Variants in BCAS1 observed in about 807,000 individuals in gnomAD.
BCAS1 encodes breast carcinoma-amplified sequence 1.
Under a neutral mutation model 65.4 loss-of-function variants are expected in BCAS1, and 46 were observed. That is an observed-to-expected ratio of 0.70 (90% CI 0.55 to 0.90). The LOEUF is 0.90. Ranked by LOEUF, BCAS1 falls within the 40% of genes least tolerant of loss-of-function variation. The pLI is 0.00. For missense variants in BCAS1, 793 were observed against 771.2 expected, an observed-to-expected ratio of 1.03 and a Z score of -0.33; for synonymous variants, 298 against 293.5, an observed-to-expected ratio of 1.02 and a Z score of -0.16.
intron 9 of BCAS1, among the ~76,000 whole-genome samples, chr20:53,968,121 G>A (rs1425146213): frequency 6.6e-6 from 1 of 152,198 alleles, no homozygotes; most frequent in Non-Finnish European, 1.5e-5. Flanking sequence ...GGCCTGCCAC[G>A]TAGCTGAGAC....
intron 8 of BCAS1, among the ~76,000 whole-genome samples, chr20:53,980,834 A>G (rs988930611): frequency 1.3e-5 from 2 of 152,230 alleles, no homozygotes; most frequent in Non-Finnish European, 2.9e-5. Flanking sequence ...TTCTCTATAT[A>G]ACAGGAAGCC....
chr20:53,946,174 C>G (rs1203716089), intron 12 of BCAS1, among the ~76,000 whole-genome samples: 1 of 151,600 alleles, frequency 6.6e-6, no homozygotes, highest in South Asian at 2.1e-4. Context: ...GAGGTTAGAC[C>G]AACACAAATA....
At chr20:54,029,824 G>C (rs1383689976) in intron 3 of BCAS1, among the ~76,000 whole-genome samples, 2 of 152,186 alleles carry the variant, frequency 1.3e-5, no homozygotes, top group African/African-American at 4.8e-5. Context: ...GTAAGCAGCA[G>C]AGTCTGGCTT....
At chr20:53,989,490 T>C (rs1394002790) in intron 7 of BCAS1, among the ~76,000 whole-genome samples, 1 of 152,164 alleles carries the variant, frequency 6.6e-6, no homozygotes, top group Non-Finnish European at 1.5e-5. Context: ...TGGCACAAAA[T>C]AGACAATCAG....
At chr20:54,050,240 A>C (rs1451129635) in intron 3 of BCAS1, among the ~76,000 whole-genome samples, 1 of 152,126 alleles carries the variant, frequency 6.6e-6, no homozygotes, top group East Asian at 1.9e-4. Flanking sequence ...CACTGGGTCC[A>C]CCTGGATAAT....
At chr20:54,058,613 T>A in intron 2 of BCAS1, 34 bp downstream of exon 2, 1 of 1,534,280 alleles carries the variant, frequency 6.5e-7, no homozygotes. Context: ...TTTTTTTTTT[T>A]CTGCTGATGC....
At chr20:54,034,467 C>T (rs2091860444) in intron 3 of BCAS1, among the ~76,000 whole-genome samples, 1 of 151,296 alleles carries the variant, frequency 6.6e-6, no homozygotes, top group Non-Finnish European at 1.5e-5. Context: ...GCAAAAATTA[C>T]TGGCATTTCC....
intron 8 of BCAS1, among the ~76,000 whole-genome samples, chr20:53,981,821 C>CGCGT (rs2090489553): frequency 6.7e-6 from 1 of 150,160 alleles, no homozygotes; most frequent in Non-Finnish European, 1.5e-5. Context: ...CATGTGCGTG[C>CGCGT]GTGTGTGTGT....
chr20:54,008,949 T>A (rs2091263994), intron 4 of BCAS1, among the ~76,000 whole-genome samples: 1 of 151,970 alleles, frequency 6.6e-6, no homozygotes, highest in Admixed American at 6.6e-5. Context: ...GAGCAACTGG[T>A]ATTACAGGTG....
Position 53,953,839 on chromosome 20 carries a change from AAAG to A in BCAS1, c.1552-147_1552-145del, listed in dbSNP as rs2089610430. On this transcript the variant is annotated intron_variant, in intron 11 of 12. Coordinates refer to ENST00000688948, the MANE Select transcript of BCAS1 (RefSeq NM_001366298.2). Reference sequence around the variant, plus strand: ...AATCCTAGGTGAAATGAATATAAAAAAAGGTAAAATGTGCACTTATGAAGTCAT... The same window carrying A: ...AATCCTAGGTGAAATGAATATAAAAAGTAAAATGTGCACTTATGAAGTCAT... The A allele has an allele frequency of 4.9e-6, 5 of 1,027,900 alleles. No homozygotes were observed. The East Asian group carries it at 1.3e-4, about 27-fold the overall frequency. 63.7% of individuals were successfully genotyped at this position (1,027,900 alleles called of 1,614,324 possible). A position where few individuals can be genotyped will look rare whatever the true frequency, so the allele number is the denominator to read the frequency against.
intron 4 of BCAS1, among the ~76,000 whole-genome samples, chr20:54,027,791 C>A (rs966414358): frequency 4.2e-5 from 6 of 142,758 alleles, no homozygotes; most frequent in Admixed American, 6.8e-5. Flanking sequence ...CACAAAAAAA[C>A]CCCCCAAAAA....
At chr20:54,003,119 A>C (rs865991839) in intron 4 of BCAS1, among the ~76,000 whole-genome samples, 9 of 151,794 alleles carry the variant, frequency 5.9e-5, no homozygotes, top group African/African-American at 1.9e-4. Flanking sequence ...TTAATAATAA[A>C]CCTTGCCTGG....
At position 53,996,004 on chromosome 20, in the gene BCAS1, G is replaced by C; in HGVS notation, c.770C>G (p.Ala257Gly). 1.9e-6 allele frequency: 3 copies of C among 1,611,092 alleles called. No individual in the cohort carries two copies. The highest frequency in any genetic ancestry group is 2.5e-6 in the Non-Finnish European group (3 of 1,178,344). The change falls in exon 5 of 13, where the codon GCG (alanine) becomes GGG (glycine). Residue 257 changes from alanine (A) to glycine (G), a missense_variant. By Grantham distance (60) the Ala-to-Gly change is moderately conservative. Coordinates refer to ENST00000688948, the MANE Select transcript of BCAS1 (RefSeq NM_001366298.2). ...KEKEGQELGT[A>G]DCSVPGDPEG... The stretch of plus-strand genomic sequence containing the variant: ...TGGGTCCCCAGGGACAGAGCAATCC[G>C]CAGTTCCAAGTTCTTGTCCTTCTTT...
intron 8 of BCAS1, among the ~76,000 whole-genome samples, chr20:53,981,855 C>T (rs2090491135): frequency 6.6e-6 from 1 of 151,470 alleles, no homozygotes; most frequent in South Asian, 2.1e-4. Context: ...TCATGTTCCT[C>T]CAAATGGATT....
chr20:54,010,952 C>A (rs1319797191), intron 4 of BCAS1, among the ~76,000 whole-genome samples: 1 of 152,012 alleles, frequency 6.6e-6, no homozygotes, highest in Admixed American at 6.6e-5. Flanking sequence ...CGACTTTTGA[C>A]AAAGGTGTAA....
At chr20:53,960,228 C>G (rs2089832821) in intron 10 of BCAS1, among the ~76,000 whole-genome samples, 1 of 152,140 alleles carries the variant, frequency 6.6e-6, no homozygotes, top group South Asian at 2.1e-4. Flanking sequence ...TCACTTGCCC[C>G]CTAGGAGACA....
chr20:54,024,872 G>A (rs553701228), intron 4 of BCAS1, among the ~76,000 whole-genome samples: 7 of 152,302 alleles, frequency 4.6e-5, no homozygotes, highest in South Asian at 4.1e-4. Flanking sequence ...CCTGAATGGA[G>A]TGTGTTCAAG....
At chr20:53,961,179 G>C (rs187800750) in intron 10 of BCAS1, among the ~76,000 whole-genome samples, 352 of 152,290 alleles carry the variant, frequency 2.3e-3, no homozygotes, top group Non-Finnish European at 3.9e-3. Context: ...ATATCACTTA[G>C]CTATTCAAAA....
intron 7 of BCAS1, among the ~76,000 whole-genome samples, chr20:53,988,934 T>G (rs2090682606): frequency 1.3e-5 from 2 of 152,198 alleles, no homozygotes; most frequent in African/African-American, 4.8e-5. Flanking sequence ...AATCAAGGTT[T>G]CCTGCTCCCT....
Sources: allele counts gnomAD v4.1 joint callset (sites outside exome capture counted in the v4.1 genomes callset), GRCh38; gene constraint gnomAD v4.1.1; transcripts MANE v1.5; gene names NCBI Gene and HGNC (gene_info 2026-07-23, HGNC 2026-07-21).